Variants in SCGN observed in about 807,000 individuals in gnomAD.
The protein encoded by SCGN is secretagogin, EF-hand calcium binding protein, also known as secretagogin.
Under a neutral mutation model 39.7 loss-of-function variants are expected in SCGN, and 30 were observed. The ratio of observed to expected loss-of-function variants is 0.76; its 90% CI spans 0.57 to 1.03. The LOEUF (loss-of-function observed/expected upper bound fraction) is 1.03, where lower values mean the gene tolerates loss of function less well. Ranked by LOEUF, SCGN falls within the 50% of genes least tolerant of loss-of-function variation. The probability of loss-of-function intolerance (pLI) is 0.00; values close to 1 mark genes in which losing one functional copy is unlikely to be tolerated. For missense variants in SCGN, 353 were observed against 349.4 expected, an observed-to-expected ratio of 1.01 and a Z score of -0.08; for synonymous variants, 106 against 114.1, an observed-to-expected ratio of 0.93 and a Z score of 0.45.
chr6:25,666,634 T>C (rs1189176625), intron 4 of SCGN, among the ~76,000 whole-genome samples: 1 of 152,240 alleles, frequency 6.6e-6, no homozygotes, highest in Non-Finnish European at 1.5e-5. Context: ...TGAACATTAT[T>C]AATCACTGAA....
At chr6:25,660,815 T>A (rs530492920) in intron 2 of SCGN, among the ~76,000 whole-genome samples, 1 of 152,206 alleles carries the variant, frequency 6.6e-6, no homozygotes, top group Non-Finnish European at 1.5e-5. Flanking sequence ...AGAGACAGCA[T>A]GATAGTATTA....
chr6:25,652,967 C>A (rs1462949128), intron 1 of SCGN, among the ~76,000 whole-genome samples: 1 of 152,130 alleles, frequency 6.6e-6, no homozygotes, highest in Non-Finnish European at 1.5e-5. Flanking sequence ...TAAAATGGAA[C>A]TACTTAATAT....
chr6:25,653,918 C>G (rs1760179457), intron 2 of SCGN, among the ~76,000 whole-genome samples: 1 of 152,140 alleles, frequency 6.6e-6, no homozygotes, highest in South Asian at 2.1e-4. Context: ...GAAGAGGTTA[C>G]AGATTTTTCA....
At position 25,670,146 on chromosome 6, in the gene SCGN, G is replaced by A. The variant is rs533760757; in HGVS notation, c.471+70G>A. ...TCCCTCCCCAGACCCCAGAAACAGT[G>A]TCTGCTAGAGAGTTCGTCCTTGAGA... On this transcript the variant is annotated intron_variant, in intron 6 of 10. Coordinates refer to ENST00000377961, the MANE Select transcript of SCGN (RefSeq NM_006998.4). The A allele has an allele frequency of 1.4e-4, 144 of 1,047,384 alleles. No individual in the cohort carries two copies. In the Middle Eastern group the frequency reaches 1.4e-3, roughly 10 times the overall value. The allele number at this position is 1,047,384 out of a possible 1,614,324, so 64.9% of individuals were successfully genotyped here. A position where few individuals can be genotyped will look rare whatever the true frequency, so the allele number is the denominator to read the frequency against.
chr6:25,697,984 C>A (rs1759859123), intron 10 of SCGN, among the ~76,000 whole-genome samples: 1 of 152,124 alleles, frequency 6.6e-6, no homozygotes, highest in South Asian at 2.1e-4. Flanking sequence ...AAAGTAGATA[C>A]AACCTCCTAG....
At chr6:25,681,085 C>T (rs188308678) in intron 6 of SCGN, among the ~76,000 whole-genome samples, 13 of 152,326 alleles carry the variant, frequency 8.5e-5, no homozygotes, top group Admixed American at 4.6e-4. Context: ...AAATCTCTCT[C>T]TTCTATTTTG....
At chr6:25,693,046 C>T (rs4419666) in intron 10 of SCGN, among the ~76,000 whole-genome samples, 32,062 of 152,080 alleles carry the variant, frequency 0.21, 4,328 homozygotes, top group Non-Finnish European at 0.3. Context: ...ATTATATGGG[C>T]ACAACAATAT....
intron 10 of SCGN, among the ~76,000 whole-genome samples, chr6:25,695,202 G>A (rs1759823367): frequency 6.6e-6 from 1 of 152,050 alleles, no homozygotes; most frequent in South Asian, 2.1e-4. Flanking sequence ...AGGTCTTTGA[G>A]GAATAAACAT....
At chr6:25,665,200 C>T (rs1342639944) in intron 4 of SCGN, among the ~76,000 whole-genome samples, 168 bp downstream of exon 4, 5 of 152,130 alleles carry the variant, frequency 3.3e-5, no homozygotes, top group African/African-American at 1.2e-4. Context: ...TGGTCCCAAA[C>T]CCCAGTGTTC....
In SCGN at chr6:25,698,743, G is replaced by C. The variant is rs112249852; in HGVS notation, c.703-2464G>C. On this transcript the variant is annotated intron_variant, in intron 10 of 10. Coordinates refer to ENST00000377961, the MANE Select transcript of SCGN (RefSeq NM_006998.4). ...GTGGCCTCAGAGTCTAATCATTCAG[G>C]CCACTCTCCACAGAAGAGTGAAGTT... 2.1e-3 allele frequency among the ~76,000 whole-genome samples: 326 copies of C among 152,234 alleles called. 2 individuals carry two copies. The highest frequency in any genetic ancestry group is 3.4e-3 in the Non-Finnish European group (228 of 68,016).
intron 7 of SCGN, 63 bp downstream of exon 7, chr6:25,682,069 A>G (rs936590587): frequency 7.9e-7 from 1 of 1,266,462 alleles, no homozygotes; most frequent in African/African-American, 1.5e-5. Context: ...TGATGACATC[A>G]TATATTTCCT....
At chr6:25,681,872 G>C in intron 6 of SCGN, 79 bp from the exon 7 acceptor site, 4 of 1,243,464 alleles carry the variant, frequency 3.2e-6, no homozygotes, top group Admixed American at 1.7e-5. Context: ...AATCAGAAGA[G>C]CAAAATAGAA....
chr6:25,661,426 T>C (rs1561760893), intron 2 of SCGN, 126 bp from the exon 3 acceptor site: 4 of 656,460 alleles, frequency 6.1e-6, no homozygotes, highest in African/African-American at 1.8e-5. Context: ...CTTTAAATGG[T>C]CAAGGAACCT....
chr6:25,676,076 C>G (rs977110689), intron 6 of SCGN, among the ~76,000 whole-genome samples: 1 of 152,200 alleles, frequency 6.6e-6, no homozygotes, highest in Non-Finnish European at 1.5e-5. Context: ...AGGCATGACA[C>G]TTGAAACCAT....
At position 25,669,553 on chromosome 6, in the gene SCGN, G is replaced by T. The variant is rs1298690044; in HGVS notation, c.379G>T (p.Ala127Ser). 1 of 1,613,324 alleles carries T rather than the reference G, an allele frequency of 6.2e-7. No individual in the cohort carries two copies. The highest frequency in any genetic ancestry group is 1.7e-5 in the Admixed American group (1 of 60,014). ...YDADSSGFIS[A>S]AELRNFLRDL... is the part of the protein sequence containing the mutation. ...CGCTGACAGCAGTGGCTTTATATCA[G>T]CTGCTGAGCTCCGCGTGAGTGTCAC... is the stretch of plus-strand genomic sequence containing the variant. The change falls in exon 5 of 11, where the codon GCT becomes TCT. Residue 127 changes from alanine to serine, a missense_variant. Coordinates refer to ENST00000377961, the MANE Select transcript of SCGN (RefSeq NM_006998.4).
At chr6:25,677,092 A>C (rs1296761387) in intron 6 of SCGN, among the ~76,000 whole-genome samples, 3 of 151,764 alleles carry the variant, frequency 2.0e-5, no homozygotes, top group African/African-American at 7.3e-5. Flanking sequence ...CTAGCGTGTG[A>C]ATTTCTATCT....
chr6:25,669,860 C>A, intron 5 of SCGN, 139 bp from the exon 6 acceptor site: 1 of 779,324 alleles, frequency 1.3e-6, no homozygotes, highest in Non-Finnish European at 2.2e-6. Flanking sequence ...GCCCTCCATT[C>A]TTGGATTTAT....
intron 10 of SCGN, among the ~76,000 whole-genome samples, chr6:25,698,002 C>A (rs1216870875): frequency 6.6e-6 from 1 of 152,136 alleles, no homozygotes; most frequent in Non-Finnish European, 1.5e-5. Flanking sequence ...TAGGGTTGTT[C>A]TGAAGATTAG....
intron 6 of SCGN, among the ~76,000 whole-genome samples, chr6:25,672,481 G>A (rs1332304904): frequency 6.6e-6 from 1 of 152,188 alleles, no homozygotes; most frequent in Non-Finnish European, 1.5e-5. Flanking sequence ...CAATAAGATG[G>A]TCAGGGTGGC....
Sources: allele counts gnomAD v4.1 joint callset (sites outside exome capture counted in the v4.1 genomes callset), GRCh38; gene constraint gnomAD v4.1.1; transcripts MANE v1.5; gene names NCBI Gene and HGNC (gene_info 2026-07-23, HGNC 2026-07-21).